TBXAS1: variants seen among roughly 807,000 people sequenced by gnomAD.
TBXAS1 encodes thromboxane-A synthase.
Under a neutral mutation model 60.7 loss-of-function variants are expected in TBXAS1, and 48 were observed. That is an observed-to-expected ratio of 0.79 (90% CI 0.63 to 1.01). The LOEUF (loss-of-function observed/expected upper bound fraction) is 1.01, where lower values mean the gene tolerates loss of function less well. TBXAS1 is among the 50% of genes least tolerant of loss of function. TBXAS1 has a pLI of 0.00. For missense variants in TBXAS1, 685 were observed against 686.3 expected (o/e 1.00, Z 0.02); for synonymous variants, 287 against 269.7 (o/e 1.06, Z -0.63).
chr7:139,995,301 A>G (rs1419703413), intron 9 of TBXAS1, among the ~76,000 whole-genome samples: 1 of 152,144 alleles, frequency 6.6e-6, no homozygotes, highest in Non-Finnish European at 1.5e-5. Context: ...ATTTCCCCAA[A>G]CAGCTAGTGA....
Position 139,898,570 on chromosome 7 carries a change from G to A in TBXAS1, c.237-12655G>A, listed in dbSNP as rs183964212. On this transcript the variant is annotated intron_variant, in intron 3 of 12. Transcript: ENST00000448866. ...TCAAAATCCTGACCTCAGGTGATCC[G>A]CAAGTGCTGGGATTACAGGCGTGAG... Among the ~76,000 whole-genome samples, 1,112 of 152,066 alleles carry A rather than the reference G, an allele frequency of 7.3e-3. 9 individuals are homozygous for A. Among genetic ancestry groups the A allele is most frequent in the Non-Finnish European group, 0.011 (732 of 67,980 alleles).
chr7:139,877,136 A>G (rs563201507), intron 3 of TBXAS1, among the ~76,000 whole-genome samples: 3 of 152,330 alleles, frequency 2.0e-5, no homozygotes, highest in Non-Finnish European at 4.4e-5. Flanking sequence ...TTTGAGGCCA[A>G]AGCAAGACAC....
At chr7:140,001,598 C>T (rs1328069438) in intron 9 of TBXAS1, among the ~76,000 whole-genome samples, 1 of 152,068 alleles carries the variant, frequency 6.6e-6, no homozygotes, top group Non-Finnish European at 1.5e-5. Flanking sequence ...ACCATGTTGC[C>T]CAGGTTGGTC....
chr7:139,784,552 C>T (rs549712761), intron 3 of TBXAS1, among the ~76,000 whole-genome samples: 21 of 152,114 alleles, frequency 1.4e-4, no homozygotes, highest in South Asian at 2.1e-4. Flanking sequence ...CCTGGCACTG[C>T]GAGTTCTGGC....
intron 11 of TBXAS1, 101 bp from the exon 12 acceptor site, chr7:140,017,570 A>T (rs1815176727): frequency 1.3e-6 from 2 of 1,501,414 alleles, no homozygotes; most frequent in East Asian, 4.6e-5. Context: ...AGCCTTGGAG[A>T]CATCCTTGTC....
At position 140,018,095 on chromosome 7, in the gene TBXAS1, G is replaced by A. The variant is rs567695329; in HGVS notation, c.1527+262G>A. 5.9e-5 allele frequency among the ~76,000 whole-genome samples: 9 copies of A among 152,334 alleles called. No individual in the cohort carries two copies. In the South Asian group the frequency reaches 1.9e-3, roughly 32 times the overall value. ...GGTAAGCCCTGGCAAGCCAACCCGA[G>A]CACGTGTTAACCATTGTTATTAGTA... On this transcript the variant is annotated intron_variant, in intron 12 of 12. Coordinates refer to ENST00000448866, the MANE Select transcript of TBXAS1 (RefSeq NM_001061.7).
In TBXAS1 at chr7:139,957,716, A is replaced by G. The variant is rs1809983791; in HGVS notation, c.771A>G (p.Lys257=). ...ACGAACTGAATGGCTTTTTTAACAA[A>G]CTCATTAGGAATGTGATTGCCTTGC... ...NRDELNGFFN[K]LIRNVIALRD... Residue 257 remains lysine, a synonymous_variant, in exon 8 of 13, where the codon AAA becomes AAG. Coordinates refer to ENST00000448866, the MANE Select transcript of TBXAS1 (RefSeq NM_001061.7). 1 of 1,613,802 alleles carries G rather than the reference A, an allele frequency of 6.2e-7. No homozygotes were observed. Among genetic ancestry groups the G allele is most frequent in the African/African-American group, 1.3e-5 (1 of 74,812 alleles).
intron 3 of TBXAS1, among the ~76,000 whole-genome samples, chr7:139,784,268 CT>C (rs1797111862): frequency 6.8e-6 from 1 of 146,396 alleles, no homozygotes; most frequent in African/African-American, 2.5e-5. Context: ...TCCTTTCTTT[CT>C]TCCTTTCTTT....
intron 4 of TBXAS1, among the ~76,000 whole-genome samples, chr7:139,914,381 A>C (rs1805801477): frequency 6.6e-6 from 1 of 152,064 alleles, no homozygotes. Context: ...CTTTTTAAAA[A>C]TATCCATGGA....
chr7:139,913,020 T>A, intron 4 of TBXAS1: 1 of 679,250 alleles, frequency 1.5e-6, no homozygotes, highest in Non-Finnish European at 2.7e-6. Context: ...CAAGGTTGAG[T>A]GGAGTAATTG....
At chr7:139,835,851 G>A (rs1191667280) in intron 1 of TBXAS1, among the ~76,000 whole-genome samples, 4 of 152,076 alleles carry the variant, frequency 2.6e-5, no homozygotes, top group Non-Finnish European at 4.4e-5. Context: ...ACTGTTTGCT[G>A]ACAATACAAT....
chr7:139,833,461 C>T (rs1015010771), intron 1 of TBXAS1, among the ~76,000 whole-genome samples: 24 of 135,172 alleles, frequency 1.8e-4, no homozygotes, highest in African/African-American at 2.8e-5. Context: ...GTCAGGAGTT[C>T]GTGACCAGTG....
chr7:140,015,202 G>A (rs532582500), intron 10 of TBXAS1, among the ~76,000 whole-genome samples: 1 of 152,258 alleles, frequency 6.6e-6, no homozygotes, highest in East Asian at 1.9e-4. Context: ...GGGGATCTTG[G>A]CATGGGGACC....
At chr7:139,967,709 G>A (rs923262504) in intron 9 of TBXAS1, among the ~76,000 whole-genome samples, 2 of 152,146 alleles carry the variant, frequency 1.3e-5, no homozygotes, top group Admixed American at 6.5e-5. Flanking sequence ...CTGAGCTCTC[G>A]AGCGGAGGAG....
rs528304473 is a variant in TBXAS1, at chr7:139,903,434, ACTT to A, written c.237-7787_237-7785del. On this transcript the variant is annotated intron_variant, in intron 3 of 12. Transcript: ENST00000448866. ...ATGCAAGTATCTTTTTTGAATAATG[ACTT>A]CTTTTCCTCTGGGTAGATACCCAGT... Among the ~76,000 whole-genome samples the A allele has an allele frequency of 4.6e-5, 7 of 152,070 alleles. No individual in the cohort carries two copies. In the East Asian group the frequency reaches 1.4e-3, roughly 29 times the overall value.
Position 139,875,602 on chromosome 7 carries a change from A to C in TBXAS1, c.201A>C (p.Gln67His), listed in dbSNP as rs762628361. The C allele has an allele frequency of 2.2e-5, 36 of 1,614,118 alleles. No individual in the cohort carries two copies. Among genetic ancestry groups the C allele is most frequent in the Non-Finnish European group, 2.9e-5 (34 of 1,180,048 alleles). Residue 67 changes from glutamine to histidine, a missense_variant, in exon 3 of 13, where the codon CAA (glutamine) becomes CAC (histidine). Coordinates refer to ENST00000448866, the MANE Select transcript of TBXAS1 (RefSeq NM_001061.7). The stretch of plus-strand genomic sequence containing the variant: ...TCCTTCAGGGTTTTTGGGAAAGCCA[A>C]ATGGAGCTCAGAAAGCTGTATGGAC... ...TFFRQGFWESQMELRKLYGPL... is the reference protein window; with the variant it reads ...TFFRQGFWESHMELRKLYGPL...
In TBXAS1 at chr7:139,938,675, G is replaced by T. The variant is rs149109185; in HGVS notation, c.450+2368G>T. Among the ~76,000 whole-genome samples, 4 of 152,284 alleles carry T rather than the reference G, an allele frequency of 2.6e-5. No homozygotes were observed. The East Asian group carries it at 7.7e-4, about 29-fold the overall frequency. On this transcript the variant is annotated intron_variant, in intron 5 of 12. Coordinates refer to ENST00000448866, the MANE Select transcript of TBXAS1 (RefSeq NM_001061.7). ...GAGAAGACCGGGGGAAGAGAGGAGAGGTAGGTGAGCCTAGGGCTGGCATCA... is the reference window on the plus strand; with the variant it reads ...GAGAAGACCGGGGGAAGAGAGGAGATGTAGGTGAGCCTAGGGCTGGCATCA...
chr7:139,979,763 T>TAATAATA (rs1554502599), intron 9 of TBXAS1, among the ~76,000 whole-genome samples: 1 of 128,912 alleles, frequency 7.8e-6, no homozygotes, highest in Non-Finnish European at 1.7e-5. Context: ...ATAATAATAA[T>TAATAATA]AATAAATAAA....
At chr7:139,997,301 G>C (rs1813365834) in intron 9 of TBXAS1, among the ~76,000 whole-genome samples, 1 of 152,212 alleles carries the variant, frequency 6.6e-6, no homozygotes, top group African/African-American at 2.4e-5. Flanking sequence ...TGCAGAGAAA[G>C]TGGGCTAGGT....
Sources: allele counts gnomAD v4.1 joint callset (sites outside exome capture counted in the v4.1 genomes callset), GRCh38; gene constraint gnomAD v4.1.1; transcripts MANE v1.5; gene names NCBI Gene and HGNC (gene_info 2026-07-23, HGNC 2026-07-21).